The following REPS2 variants were observed in gnomAD, a reference collection of about 807,000 sequenced individuals.
REPS2 encodes the protein RALBP1 associated Eps domain containing 2.
In REPS2, 23 loss-of-function variants were observed where a neutral mutation model predicts 53.6. The ratio of observed to expected loss-of-function variants is 0.43; its 90% CI spans 0.31 to 0.61. REPS2 has a LOEUF of 0.61. Among genes scored for constraint, REPS2 ranks in the 20% least tolerant of loss-of-function variants. The pLI, the probability that REPS2 is intolerant of heterozygous loss-of-function variation, is 0.11. For synonymous variants in REPS2, 238 were observed against 218.6 expected (o/e 1.09, Z -0.78); for missense variants, 446 against 534.9 (o/e 0.83, Z 1.64).
intron 1 of REPS2, among the ~76,000 whole-genome samples, chrX:16,968,090 T>C (rs2060797935): frequency 9.0e-6 from 1 of 111,299 alleles, no homozygotes; most frequent in Non-Finnish European, 1.9e-5. Context: ...AAGCACATCT[T>C]GCACCGCCCT....
rs756757218 is a variant in REPS2 at position 17,085,424 on chromosome X, G to A, written c.1516+8017G>A. On this transcript the variant is annotated intron_variant, in intron 13 of 17. Coordinates refer to ENST00000357277, the MANE Select transcript of REPS2 (RefSeq NM_004726.3). ...TTCTGTAAAAACAAAAAAGCCAGCT[G>A]GGATTTTGGTATGGCTTGCATTGAA... Among the ~76,000 whole-genome samples, 5 of 111,937 alleles carry A rather than the reference G, an allele frequency of 4.5e-5. No homozygotes were observed. In the East Asian group the frequency reaches 1.4e-3, roughly 31 times the overall value.
chrX:17,102,239 G>T (rs756926927), intron 13 of REPS2, among the ~76,000 whole-genome samples: 7 of 110,119 alleles, frequency 6.4e-5, no homozygotes, highest in Non-Finnish European at 1.3e-4. Context: ...GCACTACCAC[G>T]CCTGGCTAGT....
chrX:17,057,322 A>C (rs768612463), intron 8 of REPS2, among the ~76,000 whole-genome samples: 2 of 112,407 alleles, frequency 1.8e-5, no homozygotes, highest in East Asian at 5.6e-4. Context: ...GACTCTCTTA[A>C]ATAAAAAGTC....
chrX:16,984,607 A>T (rs191221065), intron 1 of REPS2, among the ~76,000 whole-genome samples: 29 of 112,393 alleles, frequency 2.6e-4, no homozygotes, highest in Non-Finnish European at 1.9e-5. Context: ...TCATATTCTA[A>T]TATTCCAAAC....
chrX:17,175,421 C>T, the REPS2 span, among the ~76,000 whole-genome samples: 1 of 112,589 alleles, frequency 8.9e-6, no homozygotes, highest in Non-Finnish European at 1.9e-5. Context: ...ACATCACTAG[C>T]AAAGGACAAA....
chrX:16,972,838 C>A (rs1053885123), intron 1 of REPS2, among the ~76,000 whole-genome samples: 1 of 111,371 alleles, frequency 9.0e-6, no homozygotes, highest in Non-Finnish European at 1.9e-5. Flanking sequence ...ATATTCCTCA[C>A]CCTGCTCCCT....
chrX:17,147,022 A>G (rs1398845804), intron 17 of REPS2, among the ~76,000 whole-genome samples: 1 of 111,999 alleles, frequency 8.9e-6, no homozygotes, highest in Admixed American at 9.4e-5. Flanking sequence ...GATTGCAACT[A>G]GAAATTTAAG....
chrX:17,067,138 A>G (rs1019305766), intron 9 of REPS2, among the ~76,000 whole-genome samples: 2 of 111,803 alleles, frequency 1.8e-5, no homozygotes, highest in African/African-American at 6.5e-5. Flanking sequence ...ATATCAAAAG[A>G]CATATGTTGA....
chrX:16,994,711 T>A (rs1321040667), intron 1 of REPS2, among the ~76,000 whole-genome samples: 1 of 111,648 alleles, frequency 9.0e-6, no homozygotes, highest in Non-Finnish European at 1.9e-5. Context: ...GGGTACAGTG[T>A]ACACTGCTCG....
intron 2 of REPS2, among the ~76,000 whole-genome samples, chrX:17,014,331 G>A (rs922592856): frequency 8.9e-6 from 1 of 111,789 alleles, no homozygotes; most frequent in African/African-American, 3.3e-5. Flanking sequence ...GGTTCTACCC[G>A]TGGTATGGCC....
In REPS2 at chrX:17,074,143, G is replaced by A. The variant is rs1161665169; in HGVS notation, c.1363G>A (p.Ala455Thr). 1.7e-6 allele frequency: 2 copies of A among 1,207,781 alleles called. No individual in the cohort carries two copies. The highest frequency in any genetic ancestry group is 2.2e-6 in the Non-Finnish European group (2 of 893,849). ...ATPKDSNSLK[A>T]RPRSRSYSST... ...TCCCAAGGATTCCAACAGTCTCAAAGCAAGACCAAGATCCAGGTAGTGTTC... is the reference window on the plus strand; with the variant it reads ...TCCCAAGGATTCCAACAGTCTCAAAACAAGACCAAGATCCAGGTAGTGTTC... The change falls in exon 12 of 18, where the codon GCA becomes ACA. Residue 455 changes from alanine to threonine, a missense_variant. Ala to Thr is a moderately conservative substitution (Grantham distance 58). Transcript: ENST00000357277.
intron 1 of REPS2, among the ~76,000 whole-genome samples, chrX:16,951,557 A>ACCCCC (rs1432722996): frequency 9.0e-5 from 2 of 22,177 alleles, no homozygotes; most frequent in Admixed American, 7.5e-4. Context: ...ACACACACAC[A>ACCCCC]CACCCCCGCT....
At chrX:17,085,626 A>G (rs1243959204) in intron 13 of REPS2, among the ~76,000 whole-genome samples, 3 of 111,838 alleles carry the variant, frequency 2.7e-5, no homozygotes, top group African/African-American at 9.7e-5. Context: ...TCTTTTTGAT[A>G]TACATTATAC....
In REPS2 at chrX:16,956,444, C is replaced by G. The variant is rs112536724; in HGVS notation, c.273+9310C>G. The stretch of plus-strand genomic sequence containing the variant: ...AGCCTCCCAAGTAGCTGGGACTACA[C>G]GTGCATGCCACCACACCCAGCTAAT... On this transcript the variant is annotated intron_variant, in intron 1 of 17. Transcript: ENST00000357277. 5.4e-3 allele frequency among the ~76,000 whole-genome samples: 588 copies of G among 108,723 alleles called. 5 individuals are homozygous for G. The highest frequency in any genetic ancestry group is 0.019 in the African/African-American group (563 of 29,628). The allele number at this position is 108,723 out of a possible 115,157, so 94.4% of individuals were successfully genotyped here. A position where few individuals can be genotyped will look rare whatever the true frequency, so the allele number is the denominator to read the frequency against.
chrX:16,947,785 T>A (rs1198166521), intron 1 of REPS2, among the ~76,000 whole-genome samples: 1 of 112,122 alleles, frequency 8.9e-6, no homozygotes, highest in African/African-American at 3.3e-5. Context: ...AGAGGTGGAC[T>A]TCAGAAGTCC....
intron 1 of REPS2, among the ~76,000 whole-genome samples, chrX:16,959,020 T>C (rs2060629072): frequency 8.9e-6 from 1 of 112,424 alleles, no homozygotes; most frequent in Non-Finnish European, 1.9e-5. Context: ...TCATCTGAGG[T>C]TCTTCCTATT....
chrX:16,994,636 T>C (rs2061207873), intron 1 of REPS2, among the ~76,000 whole-genome samples: 1 of 111,091 alleles, frequency 9.0e-6, no homozygotes, highest in Admixed American at 9.6e-5. Flanking sequence ...GGCATAAGAA[T>C]GAAACAGTGG....
chrX:17,099,816 G>A (rs1223555410), intron 13 of REPS2: 2 of 573,677 alleles, frequency 3.5e-6, no homozygotes, highest in Admixed American at 2.2e-5. Context: ...GGAATGCCAC[G>A]TCAGCCTTTC....
intron 5 of REPS2, among the ~76,000 whole-genome samples, chrX:17,046,181 G>C (rs1431438255): frequency 3.8e-5 from 4 of 103,943 alleles, no homozygotes; most frequent in Non-Finnish European, 7.9e-5. Context: ...TTGAGACAGA[G>C]TCTCACTCTG....
Sources: gnomAD v4.1 joint callset for allele counts (sites outside exome capture counted in the v4.1 genomes callset) on GRCh38, gnomAD v4.1.1 for gene constraint, MANE v1.5 for transcripts, NCBI Gene and HGNC (gene_info 2026-07-23, HGNC 2026-07-21) for gene names.